Variants in CDH18 observed in about 807,000 individuals in gnomAD.
CDH18 encodes the protein cadherin-18.
Under a neutral mutation model 67.9 loss-of-function variants are expected in CDH18, and 31 were observed. The observed-to-expected ratio is 0.46, with a 90% CI of 0.34 to 0.62. The LOEUF is 0.62. CDH18 is among the 20% of genes least tolerant of loss of function. The pLI, the probability that CDH18 is intolerant of heterozygous loss-of-function variation, is 0.01. For missense variants in CDH18, 890 were observed against 975.5 expected (o/e 0.91, Z 1.17); for synonymous variants, 362 against 347.2 (o/e 1.04, Z -0.48).
At chr5:20,568,692 A>G (rs1485864711) in intron 1 of CDH18, among the ~76,000 whole-genome samples, 7 of 152,166 alleles carry the variant, frequency 4.6e-5, no homozygotes, top group Non-Finnish European at 8.8e-5. Context: ...AAATTATGGC[A>G]TTTTAAAAAC....
At chr5:20,090,623 A>G (rs966071189) in intron 2 of CDH18, among the ~76,000 whole-genome samples, 3 of 152,176 alleles carry the variant, frequency 2.0e-5, no homozygotes, top group African/African-American at 7.2e-5. Context: ...GGAAACAAAT[A>G]TGTAATTGAA....
At chr5:19,635,710 C>G (rs182016979) in intron 5 of CDH18, among the ~76,000 whole-genome samples, 1 of 152,266 alleles carries the variant, frequency 6.6e-6, no homozygotes, top group East Asian at 1.9e-4. Context: ...TCTACCTACT[C>G]ATCTGACTAG....
chr5:20,390,102 CA>C (rs1744707046), intron 1 of CDH18, among the ~76,000 whole-genome samples: 1 of 152,068 alleles, frequency 6.6e-6, no homozygotes, highest in South Asian at 2.1e-4. Context: ...TCTAAAACAC[CA>C]AAAGCAATGG....
intron 1 of CDH18, among the ~76,000 whole-genome samples, chr5:20,565,814 A>G (rs1398711813): frequency 6.6e-6 from 1 of 151,882 alleles, no homozygotes; most frequent in Non-Finnish European, 1.5e-5. Context: ...TGTTGAACAC[A>G]CTTTTCTGTC....
chr5:20,547,127 G>T (rs565229251), intron 1 of CDH18, among the ~76,000 whole-genome samples: 1 of 151,974 alleles, frequency 6.6e-6, no homozygotes, highest in Non-Finnish European at 1.5e-5. Context: ...ATTTATTTAA[G>T]GAACATAAAT....
At chr5:20,221,141 T>C (rs10058014) in intron 2 of CDH18, among the ~76,000 whole-genome samples, 16,258 of 152,058 alleles carry the variant, frequency 0.11, 1,210 homozygotes, top group African/African-American at 0.21. Flanking sequence ...GATTAGGATA[T>C]AGAAAATGAA....
intron 2 of CDH18, among the ~76,000 whole-genome samples, chr5:20,037,706 G>C (rs1187124165): frequency 6.6e-6 from 1 of 152,110 alleles, no homozygotes; most frequent in Non-Finnish European, 1.5e-5. Flanking sequence ...CTAAAGCAGT[G>C]TTTAGATGGA....
chr5:20,462,294 G>A (rs1320125488), intron 1 of CDH18, among the ~76,000 whole-genome samples: 1 of 152,078 alleles, frequency 6.6e-6, no homozygotes, highest in East Asian at 1.9e-4. Flanking sequence ...CTCATTGATG[G>A]GAGCTTAAAA....
intron 1 of CDH18, among the ~76,000 whole-genome samples, chr5:20,550,698 C>A (rs1055313017): frequency 1.3e-5 from 2 of 152,168 alleles, no homozygotes; most frequent in African/African-American, 4.8e-5. Context: ...TCTTTAGCCA[C>A]TTAGAGCCCA....
intron 7 of CDH18, among the ~76,000 whole-genome samples, chr5:19,585,117 T>C (rs1477277550): frequency 2.6e-5 from 4 of 152,192 alleles, no homozygotes; most frequent in South Asian, 2.1e-4. Context: ...CTTGAAAATA[T>C]GCATTGTGTG....
rs70950073 is a variant in CDH18, at chr5:19,490,394, G to GTTTTTTTTTTTTT, written c.1631-6855_1631-6843dup. 7.1e-4 allele frequency among the ~76,000 whole-genome samples: 43 copies of GTTTTTTTTTTTTT among 60,208 alleles called. 6 individuals are homozygous for GTTTTTTTTTTTTT. The highest frequency in any genetic ancestry group is 1.3e-3 in the African/African-American group (19 of 14,914). The allele number at this position is 60,208 out of a possible 152,430, so 39.5% of individuals were successfully genotyped here. ...TGATATATCACATATATAAAAATCT[G>GTTTTTTTTTTTTT]TTTTTTTTTTTTTTTTTTTTTTTTT... On this transcript the variant is annotated intron_variant, in intron 11 of 12. Coordinates refer to ENST00000382275, the MANE Select transcript of CDH18 (RefSeq NM_004934.5).
chr5:19,671,811 T>C (rs768288471), intron 5 of CDH18, among the ~76,000 whole-genome samples: 25 of 152,190 alleles, frequency 1.6e-4, no homozygotes, highest in Non-Finnish European at 2.9e-4. Flanking sequence ...GACCTAGAAA[T>C]GGCTATTCAT....
intron 5 of CDH18, among the ~76,000 whole-genome samples, chr5:19,617,816 T>C (rs1429826139): frequency 6.6e-6 from 1 of 152,184 alleles, no homozygotes; most frequent in Admixed American, 6.6e-5. Flanking sequence ...GGGCTTGTAA[T>C]TGGGAATTAC....
chr5:20,135,520 G>A (rs1169599084), intron 2 of CDH18, among the ~76,000 whole-genome samples: 1 of 151,790 alleles, frequency 6.6e-6, no homozygotes, highest in Non-Finnish European at 1.5e-5. Context: ...TATCAATTTT[G>A]TTGATCTTTT....
chr5:19,933,801 A>C (rs73059685), intron 2 of CDH18, among the ~76,000 whole-genome samples: 2,446 of 151,460 alleles, frequency 0.016, 65 homozygotes, highest in African/African-American at 0.056. Context: ...CTTGATCCTT[A>C]AAATGGTGAA....
intron 1 of CDH18, among the ~76,000 whole-genome samples, chr5:20,431,259 G>C (rs1352318906): frequency 6.6e-6 from 1 of 152,074 alleles, no homozygotes; most frequent in Admixed American, 6.6e-5. Context: ...GGGAGGCCAT[G>C]ATGTGCAGAT....
chr5:20,183,072 C>G (rs1250950699), intron 2 of CDH18, among the ~76,000 whole-genome samples: 1 of 152,068 alleles, frequency 6.6e-6, no homozygotes, highest in African/African-American at 2.4e-5. Context: ...ATAATTACAG[C>G]ATCTACTTCA....
chr5:19,768,587 AAT>A (rs1410831911), intron 3 of CDH18, among the ~76,000 whole-genome samples: 1 of 152,136 alleles, frequency 6.6e-6, no homozygotes, highest in Non-Finnish European at 1.5e-5. Flanking sequence ...AGTAAATGTT[AAT>A]ATATATATTG....
chr5:19,960,669 GTA>G (rs540723097), intron 2 of CDH18, among the ~76,000 whole-genome samples: 4,222 of 126,408 alleles, frequency 0.033, 649 homozygotes, highest in African/African-American at 0.12. Flanking sequence ...ATATACACAT[GTA>G]TATATATGTA....
Sources: gnomAD v4.1 joint callset for allele counts (sites outside exome capture counted in the v4.1 genomes callset) on GRCh38, gnomAD v4.1.1 for gene constraint, MANE v1.5 for transcripts, NCBI Gene and HGNC (gene_info 2026-07-23, HGNC 2026-07-21) for gene names.